Variants in CFAP61 observed in about 807,000 individuals in gnomAD.
The protein encoded by CFAP61 is cilia- and flagella-associated protein 61.
Under a neutral mutation model 135.6 loss-of-function variants are expected in CFAP61, and 107 were observed. The observed-to-expected ratio is 0.79, with a 90% confidence interval of 0.67 to 0.93. CFAP61 has a LOEUF of 0.93. CFAP61 is among the 40% of genes least tolerant of loss of function. The pLI is 0.00. For synonymous variants in CFAP61, 575 were observed against 578.5 expected, an observed-to-expected ratio of 0.99 and a Z score of 0.09; for missense variants, 1,507 against 1,556.2, an observed-to-expected ratio of 0.97 and a Z score of 0.53.
intron 17 of CFAP61, among the ~76,000 whole-genome samples, chr20:20,224,119 G>C (rs6112825): frequency 6.6e-6 from 1 of 152,114 alleles, no homozygotes; most frequent in Non-Finnish European, 1.5e-5. Flanking sequence ...CTGACCTCTA[G>C]GAGTTAATAG....
At chr20:20,207,971 G>A (rs1295490231) in intron 17 of CFAP61, among the ~76,000 whole-genome samples, 2 of 152,192 alleles carry the variant, frequency 1.3e-5, no homozygotes, top group African/African-American at 4.8e-5. Flanking sequence ...GTATTGTAAA[G>A]TGTGATTTTC....
chr20:20,176,060 TCTCAAAAGAAGACATTC>T (rs1363916354), intron 13 of CFAP61, among the ~76,000 whole-genome samples: 10 of 151,962 alleles, frequency 6.6e-5, no homozygotes, highest in Non-Finnish European at 4.4e-5. Context: ...AACAGACACT[TCTCAAAAGAAGACATTC>T]ATGCAGCCAA....
chr20:20,262,968 A>G lies in CFAP61; in HGVS notation c.2341A>G (p.Thr781Ala). ...TAACATGCTTCAGGTCCCATGCCCT[A>G]CAGAGGCTGATATTAGTCAACACCT... ...TGQQYQVPCP[T>A]EADISQHLTN... The change falls in exon 21 of 27, where the codon ACA (threonine) becomes GCA (alanine). Residue 781 changes from threonine to alanine, a missense_variant. By Grantham distance (58) the Thr-to-Ala change is moderately conservative. Coordinates refer to ENST00000245957, the MANE Select transcript of CFAP61 (RefSeq NM_015585.4). 1 of 1,612,806 alleles carries G rather than the reference A, an allele frequency of 6.2e-7. No individual in the cohort carries two copies. The highest frequency in any genetic ancestry group is 8.5e-7 in the Non-Finnish European group (1 of 1,179,342).
chr20:20,127,663 C>G (rs376403514), intron 8 of CFAP61, among the ~76,000 whole-genome samples: 10 of 151,694 alleles, frequency 6.6e-5, no homozygotes, highest in African/African-American at 2.2e-4. Flanking sequence ...GAAATGGACT[C>G]TGTGAGAGTT....
At chr20:20,098,141 T>A (rs2047722190) in intron 7 of CFAP61, among the ~76,000 whole-genome samples, 1 of 152,118 alleles carries the variant, frequency 6.6e-6, no homozygotes. Context: ...TATGCACCAC[T>A]AGGTGTGTCC....
chr20:20,253,691 C>T, intron 20 of CFAP61: 2 of 383,010 alleles, frequency 5.2e-6, no homozygotes, highest in South Asian at 2.2e-5. Flanking sequence ...CACACTGTCT[C>T]TGTCAAGTGA....
At chr20:20,081,448 A>G (rs2046423410) in intron 6 of CFAP61, among the ~76,000 whole-genome samples, 1 of 152,234 alleles carries the variant, frequency 6.6e-6, no homozygotes, top group African/African-American at 2.4e-5. Flanking sequence ...CATGTATAGA[A>G]GCAGCCCATT....
chr20:20,347,890 G>A (rs1326245136), intron 26 of CFAP61, among the ~76,000 whole-genome samples: 2 of 139,404 alleles, frequency 1.4e-5, no homozygotes, highest in East Asian at 2.1e-4. Flanking sequence ...CCGAGATCAT[G>A]CCATTGCACT....
chr20:20,128,753 T>G (rs2050274916), intron 8 of CFAP61, among the ~76,000 whole-genome samples: 2 of 151,716 alleles, frequency 1.3e-5, no homozygotes, highest in African/African-American at 4.9e-5. Context: ...GCTTTTTATT[T>G]TTAGTGTATC....
chr20:20,138,448 C>T (rs903684801), intron 8 of CFAP61, among the ~76,000 whole-genome samples: 2 of 152,222 alleles, frequency 1.3e-5, no homozygotes, highest in African/African-American at 2.4e-5. Context: ...CAAATGCTCC[C>T]TCTTGGGGTG....
intron 2 of CFAP61, among the ~76,000 whole-genome samples, chr20:20,066,366 A>T (rs1469751827): frequency 6.6e-6 from 1 of 152,204 alleles, no homozygotes; most frequent in Non-Finnish European, 1.5e-5. Context: ...TACTATAAAG[A>T]CACATGCACA....
chr20:20,057,619 G>C (rs1025289610), intron 2 of CFAP61, among the ~76,000 whole-genome samples: 1 of 152,096 alleles, frequency 6.6e-6, no homozygotes, highest in African/African-American at 2.4e-5. Context: ...GCATAGATTT[G>C]TTTCTTAAAA....
intron 14 of CFAP61, among the ~76,000 whole-genome samples, chr20:20,189,880 C>T (rs1429298796): frequency 1.3e-5 from 2 of 152,136 alleles, no homozygotes; most frequent in African/African-American, 2.4e-5. Flanking sequence ...CTGCAACCTC[C>T]GCCTCCCGGG....
rs959172901 is a variant in CFAP61 at position 20,285,173 on chromosome 20, A to G, written c.2797-3436A>G. 7.9e-5 allele frequency among the ~76,000 whole-genome samples: 12 copies of G among 151,836 alleles called. 1 individual carries two copies. Among genetic ancestry groups the G allele is most frequent in the African/African-American group, 2.9e-4 (12 of 41,344 alleles). ...CTACAATCATTTAAAACATTCCTCT[A>G]TATGTCATTTTCCATTGGCTGCTTT... On this transcript the variant is annotated intron_variant, in intron 22 of 26. Transcript: ENST00000245957.
intron 17 of CFAP61, among the ~76,000 whole-genome samples, chr20:20,208,148 G>A (rs1386676243): frequency 6.6e-6 from 1 of 152,162 alleles, no homozygotes; most frequent in Non-Finnish European, 1.5e-5. Context: ...GGTTAGTAGA[G>A]GTTTGGTAAT....
intron 8 of CFAP61, among the ~76,000 whole-genome samples, chr20:20,112,313 A>T (rs1326434788): frequency 6.6e-6 from 1 of 152,202 alleles, no homozygotes; most frequent in Non-Finnish European, 1.5e-5. Flanking sequence ...TAGGAACTTC[A>T]TATACTTCCT....
intron 9 of CFAP61, among the ~76,000 whole-genome samples, chr20:20,144,971 C>T (rs2051750574): frequency 6.6e-6 from 1 of 151,966 alleles, no homozygotes; most frequent in South Asian, 2.1e-4. Context: ...AAGAGTTTGC[C>T]CTACACAGAA....
chr20:20,280,302 AG>A (rs1325564427), intron 22 of CFAP61, among the ~76,000 whole-genome samples: 1 of 152,190 alleles, frequency 6.6e-6, no homozygotes, highest in African/African-American at 2.4e-5. Flanking sequence ...AGCAACCGTC[AG>A]GAAGTAGGAA....
intron 26 of CFAP61, among the ~76,000 whole-genome samples, chr20:20,354,722 G>C (rs1260641473): frequency 6.6e-6 from 1 of 151,736 alleles, no homozygotes; most frequent in Non-Finnish European, 1.5e-5. Flanking sequence ...GTGAGGGGAG[G>C]TGGTCACACT....
Sources: gnomAD v4.1 joint callset for allele counts (sites outside exome capture counted in the v4.1 genomes callset) on GRCh38, gnomAD v4.1.1 for gene constraint, MANE v1.5 for transcripts, NCBI Gene and HGNC (gene_info 2026-07-23, HGNC 2026-07-21) for gene names.